LAMP2: variants seen among roughly 807,000 people sequenced by gnomAD.
The protein encoded by LAMP2 is lysosome associated membrane protein 2.
LAMP2 carries 4 observed loss-of-function variants against 25.6 expected under a neutral mutation model. The ratio of observed to expected loss-of-function variants is 0.16; its 90% CI spans 0.08 to 0.36. The LOEUF (loss-of-function observed/expected upper bound fraction) is 0.36, where lower values mean the gene tolerates loss of function less well. LAMP2 is among the 10% of genes least tolerant of loss of function. The pLI is 1.00. For synonymous variants in LAMP2, 108 were observed against 112.7 expected, an observed-to-expected ratio of 0.96 and a Z score of 0.27; for missense variants, 272 against 301.4, an observed-to-expected ratio of 0.90 and a Z score of 0.72.
At chrX:120,452,699 G>A in intron 3 of LAMP2, among the ~76,000 whole-genome samples, 1 of 98,624 alleles carries the variant, frequency 1.0e-5, no homozygotes, top group Non-Finnish European at 2.0e-5. Context: ...ACAGGCACAC[G>A]CCACCACACC....
chrX:120,429,152 G>A lies in LAMP2; in HGVS notation c.*2171C>T, dbSNP rs184297875. The A allele has an allele frequency of 3.1e-5, 22 of 701,127 alleles. No homozygotes were observed. The Admixed American group carries it at 7.6e-4, about 24-fold the overall frequency. The allele number at this position is 701,127 out of a possible 1,213,427, so 57.8% of individuals were successfully genotyped here. A position where few individuals can be genotyped will look rare whatever the true frequency, so the allele number is the denominator to read the frequency against. On this transcript the variant is annotated 3_prime_UTR_variant, in exon 9 of 9. Transcript: ENST00000200639. ...TATGTGTGTGTGTATATATATGTGT[G>A]TGTGTGTACATATATATATATATAC...
At chrX:120,436,170 A>ACACACACACACTCTCT (rs1251901451) in intron 8 of LAMP2, among the ~76,000 whole-genome samples, 5 of 57,307 alleles carry the variant, frequency 8.7e-5, no homozygotes, top group African/African-American at 2.5e-4. Context: ...ACACACACAC[A>ACACACACACACTCTCT]CTCTCTCTCT....
chrX:120,460,954 C>CA (rs1401062014), intron 1 of LAMP2, among the ~76,000 whole-genome samples: 310 of 107,792 alleles, frequency 2.9e-3, no homozygotes, highest in Non-Finnish European at 3.8e-3. Flanking sequence ...AACTCTGTCT[C>CA]AAAAAAAAAC....
intron 3 of LAMP2, among the ~76,000 whole-genome samples, chrX:120,453,781 C>G (rs777534336): frequency 8.9e-6 from 1 of 112,375 alleles, no homozygotes; most frequent in East Asian, 2.8e-4. Context: ...GCACTCCAGC[C>G]TGGGCGACAG....
chrX:120,434,577 C>T (rs1474153090), intron 8 of LAMP2, among the ~76,000 whole-genome samples: 2 of 111,772 alleles, frequency 1.8e-5, no homozygotes, highest in African/African-American at 3.2e-5. Flanking sequence ...GTATACTTAA[C>T]GCTGTATTGA....
chrX:120,468,066 T>A (rs895514724), intron 1 of LAMP2, among the ~76,000 whole-genome samples: 1 of 111,760 alleles, frequency 8.9e-6, no homozygotes, highest in African/African-American at 3.3e-5. Flanking sequence ...CCCGGCCCCA[T>A]CCAGCCATTC....
chrX:120,455,554 G>A lies in LAMP2; in HGVS notation c.200C>T (p.Ser67Leu). The A allele has an allele frequency of 8.3e-7, 1 of 1,205,753 alleles. No homozygotes were observed. ...ATTATATGTCACAGTGCCATGGTCT[G>A]AAATGGTTACAGTTTTCTAAAAGAA... Reference protein sequence around the residue: ...TNKTYKTVTISDHGTVTYNGS... With the variant: ...TNKTYKTVTILDHGTVTYNGS... Residue 67 changes from serine (S) to leucine (L), a missense_variant, in exon 3 of 9, where the codon TCA (serine) becomes TTA (leucine). By Grantham distance (145) the Ser-to-Leu change is moderately radical. Transcript: ENST00000200639.
intron 1 of LAMP2, among the ~76,000 whole-genome samples, chrX:120,466,699 TA>T (rs1262473032): frequency 1.8e-5 from 2 of 111,722 alleles, no homozygotes; most frequent in Non-Finnish European, 3.8e-5. Context: ...GTATTTACAG[TA>T]TTAGAAATTA....
intron 6 of LAMP2, among the ~76,000 whole-genome samples, chrX:120,444,784 T>C (rs929283652): frequency 2.7e-5 from 3 of 112,027 alleles, no homozygotes; most frequent in African/African-American, 3.2e-5. Flanking sequence ...ACTGGCTTTC[T>C]TCTCCATAAC....
intron 1 of LAMP2, among the ~76,000 whole-genome samples, chrX:120,459,834 T>C (rs1355267781): frequency 2.7e-5 from 3 of 112,097 alleles, no homozygotes; most frequent in Non-Finnish European, 5.6e-5. Context: ...CATATTATTT[T>C]TGACTCCCCC....
intron 8 of LAMP2, chrX:120,438,839 G>T: frequency 1.2e-6 from 1 of 840,944 alleles, no homozygotes. Flanking sequence ...TTTTCTAAAC[G>T]GTGTATTTTT....
chrX:120,451,698 T>G (rs975961319), intron 3 of LAMP2, among the ~76,000 whole-genome samples: 6 of 111,318 alleles, frequency 5.4e-5, no homozygotes, highest in Non-Finnish European at 1.9e-5. Context: ...TCTCCTGACC[T>G]CCAATGATCC....
chrX:120,441,697 A>G (rs2058572596), intron 8 of LAMP2, 33 bp downstream of exon 8: 2 of 1,134,535 alleles, frequency 1.8e-6, no homozygotes, highest in Admixed American at 2.2e-5. Context: ...ACATAAGAAC[A>G]TAAATTATTA....
intron 3 of LAMP2, among the ~76,000 whole-genome samples, chrX:120,452,574 G>T (rs1383053520): frequency 9.3e-6 from 1 of 107,010 alleles, no homozygotes; most frequent in Non-Finnish European, 1.9e-5. Context: ...TTGAGACAGG[G>T]TCTCTCTCTC....
intron 4 of LAMP2, 130 bp from the exon 5 acceptor site, chrX:120,448,155 G>A: frequency 3.6e-6 from 2 of 560,478 alleles, no homozygotes; most frequent in Non-Finnish European, 6.0e-6. Flanking sequence ...AGAATATCTT[G>A]TTAGTATATT....
chrX:120,442,228 CAA>C (rs1157951288), intron 7 of LAMP2, among the ~76,000 whole-genome samples: 7 of 29,676 alleles, frequency 2.4e-4, no homozygotes, highest in Non-Finnish European at 2.5e-4. Context: ...GACCCTGTCT[CAA>C]AAAAAAAAAA....
chrX:120,451,367 G>GGC (rs2058620433), intron 3 of LAMP2, among the ~76,000 whole-genome samples: 1 of 112,308 alleles, frequency 8.9e-6, no homozygotes, highest in East Asian at 2.8e-4. Flanking sequence ...GCCCAGGCTA[G>GGC]TCTCACACTC....
intron 1 of LAMP2, among the ~76,000 whole-genome samples, chrX:120,460,748 C>T (rs897137001): frequency 1.8e-5 from 2 of 111,648 alleles, no homozygotes; most frequent in African/African-American, 3.3e-5. Flanking sequence ...GTCAGGAGTT[C>T]GAGACCAGCC....
rs745547671 is a variant in LAMP2, at chrX:120,427,078, T to TG, written c.*4244dup. ...TGGCAGCAATACAGTGGTGAGCTTC[T>TG]GCATTGTGCTGAGAGGTAGATTGGG... is the stretch of plus-strand genomic sequence containing the variant. On this transcript the variant is annotated 3_prime_UTR_variant, in exon 9 of 9. Coordinates refer to ENST00000200639, the MANE Select transcript of LAMP2 (RefSeq NM_002294.3). Among the ~76,000 whole-genome samples the TG allele has an allele frequency of 1.8e-5, 2 of 112,024 alleles. No homozygotes were observed. The highest frequency in any genetic ancestry group is 6.5e-5 in the African/African-American group (2 of 30,921).
Sources: gnomAD v4.1 joint callset for allele counts (sites outside exome capture counted in the v4.1 genomes callset) on GRCh38, gnomAD v4.1.1 for gene constraint, MANE v1.5 for transcripts, NCBI Gene and HGNC (gene_info 2026-07-23, HGNC 2026-07-21) for gene names.